The following EIF4EBP1 variants were observed in gnomAD, a reference collection of about 807,000 sequenced individuals.
EIF4EBP1 encodes the protein eukaryotic translation initiation factor 4E-binding protein 1.
A neutral mutation model predicts 9.2 loss-of-function variants in EIF4EBP1; 5 were observed. The observed-to-expected ratio is 0.54, with a 90% CI of 0.28 to 1.14. The LOEUF (loss-of-function observed/expected upper bound fraction) is 1.14. Among genes scored for constraint, EIF4EBP1 ranks in the 50% most tolerant of loss-of-function variants. EIF4EBP1 has a pLI of 0.09. For synonymous variants in EIF4EBP1, 62 were observed against 67.0 expected, an observed-to-expected ratio of 0.93 and a Z score of 0.36; for missense variants, 139 against 169.6, an observed-to-expected ratio of 0.82 and a Z score of 1.00.
intron 1 of EIF4EBP1, among the ~76,000 whole-genome samples, chr8:38,045,324 C>T (rs1387762002): frequency 6.6e-6 from 1 of 152,098 alleles, no homozygotes; most frequent in East Asian, 1.9e-4. Context: ...ACAAGGAGAT[C>T]CTAAAAATAA....
rs145526026 is a variant in EIF4EBP1 at position 38,036,944 on chromosome 8, T to C, written c.145+6226T>C. On this transcript the variant is annotated intron_variant, in intron 1 of 2. Coordinates refer to ENST00000338825, the MANE Select transcript of EIF4EBP1 (RefSeq NM_004095.4). ...GGATTAGAGGCATGCTCCACTGTGC[T>C]TGGCCTGGGAAGGCACAGCAATATT... is the stretch of plus-strand genomic sequence containing the variant. Among the ~76,000 whole-genome samples, 1,474 of 151,712 alleles carry C rather than the reference T, an allele frequency of 9.7e-3. 25 individuals carry two copies. The highest frequency in any genetic ancestry group is 0.034 in the African/African-American group (1,399 of 41,332).
At chr8:38,037,578 G>A (rs1282819359) in intron 1 of EIF4EBP1, among the ~76,000 whole-genome samples, 2 of 152,112 alleles carry the variant, frequency 1.3e-5, no homozygotes. Flanking sequence ...CTCCCAAAAT[G>A]CTGGGATTAC....
In EIF4EBP1 at chr8:38,043,346, C is replaced by CTTTTG. The variant is rs1301670595; in HGVS notation, c.145+12632_145+12633insGTTTT. On this transcript the variant is annotated intron_variant, in intron 1 of 2. Transcript: ENST00000338825. ...GAAAGTCTCTGTCAAAGCCAATTTT[C>CTTTTG]TTTTCTTTTCTTTTCTTTTTCTTTT... Among the ~76,000 whole-genome samples, 8 of 150,440 alleles carry CTTTTG rather than the reference C, an allele frequency of 5.3e-5. No homozygotes were observed. In the East Asian group the frequency reaches 1.2e-3, roughly 22 times the overall value.
chr8:38,057,274 C>G lies in EIF4EBP1; in HGVS notation c.325+14C>G. On this transcript the variant is annotated intron_variant, in intron 2 of 2. Coordinates refer to ENST00000338825, the MANE Select transcript of EIF4EBP1 (RefSeq NM_004095.4). ...AGCGGGCGGGCGGTGAGTGTCGGGG[C>G]TTGGCCAGGCTCTACCTTGGGAAAG... 1 of 1,471,260 alleles carries G rather than the reference C, an allele frequency of 6.8e-7. No homozygotes were observed. The highest frequency in any genetic ancestry group is 9.0e-7 in the Non-Finnish European group (1 of 1,106,330). 91.1% of individuals were successfully genotyped at this position (1,471,260 alleles called of 1,614,324 possible). A position where few individuals can be genotyped will look rare whatever the true frequency, so the allele number is the denominator to read the frequency against.
intron 1 of EIF4EBP1, 136 bp from the exon 2 acceptor site, chr8:38,056,945 G>T: frequency 1.2e-6 from 1 of 866,604 alleles, no homozygotes; most frequent in East Asian, 2.6e-5. Context: ...TTATGGGCAT[G>T]AGCCACCGCA....
At chr8:38,049,928 TTG>T (rs979234328) in intron 1 of EIF4EBP1, among the ~76,000 whole-genome samples, 6 of 151,976 alleles carry the variant, frequency 3.9e-5, no homozygotes, top group Non-Finnish European at 8.8e-5. Context: ...CTTTTTTTTT[TTG>T]AGATGGAATG....
intron 1 of EIF4EBP1, among the ~76,000 whole-genome samples, chr8:38,045,672 T>G (rs1328947270): frequency 1.3e-5 from 2 of 152,038 alleles, no homozygotes; most frequent in Non-Finnish European, 2.9e-5. Context: ...ACTATTGTTC[T>G]CCAGCCTGGG....
Position 38,030,814 on chromosome 8 carries a change from C to G in EIF4EBP1, c.145+96C>G. 3 of 1,355,414 alleles carry G rather than the reference C, an allele frequency of 2.2e-6. No homozygotes were observed. In the South Asian group the frequency reaches 5.2e-5, roughly 24 times the overall value. 84.0% of individuals were successfully genotyped at this position (1,355,414 alleles called of 1,614,324 possible). ...ACCGGGTGTCCAGGCTCAAGGGCGC[C>G]GTGATTGGAAAGAACGGAAAAGGGG... On this transcript the variant is annotated intron_variant, in intron 1 of 2. Coordinates refer to ENST00000338825, the MANE Select transcript of EIF4EBP1 (RefSeq NM_004095.4).
Position 38,060,133 on chromosome 8 carries a change from C to G in EIF4EBP1, c.*198C>G. 1 of 634,856 alleles carries G rather than the reference C, an allele frequency of 1.6e-6. No homozygotes were observed. 39.3% of individuals were successfully genotyped at this position (634,856 alleles called of 1,614,324 possible). On this transcript the variant is annotated 3_prime_UTR_variant, in exon 3 of 3. Transcript: ENST00000338825. ...CACCAGCAGATACCTCCTTGTGCCT[C>G]CACTGATGCAGGAGCTGCCACCCCA...
intron 1 of EIF4EBP1, among the ~76,000 whole-genome samples, chr8:38,042,941 T>C (rs1302845525): frequency 6.6e-6 from 1 of 152,082 alleles, no homozygotes; most frequent in African/African-American, 2.4e-5. Context: ...GGCAGGTGCC[T>C]ATAATCTCAG....
intron 1 of EIF4EBP1, among the ~76,000 whole-genome samples, chr8:38,033,364 G>A (rs563632775): frequency 2.0e-5 from 3 of 151,860 alleles, no homozygotes; most frequent in African/African-American, 4.8e-5. Flanking sequence ...CACCATGCCC[G>A]GCCTAGATTC....
Position 38,036,666 on chromosome 8 carries a change from C to CTTTTTTTTTT in EIF4EBP1, c.145+5950_145+5951insTTTTTTTTTT, listed in dbSNP as rs140148175. Among the ~76,000 whole-genome samples, 543 of 150,994 alleles carry CTTTTTTTTTT rather than the reference C, an allele frequency of 3.6e-3. 5 individuals are homozygous for CTTTTTTTTTT. Among genetic ancestry groups the CTTTTTTTTTT allele is most frequent in the African/African-American group, 0.013 (523 of 41,006 alleles). On this transcript the variant is annotated intron_variant, in intron 1 of 2. Coordinates refer to ENST00000338825, the MANE Select transcript of EIF4EBP1 (RefSeq NM_004095.4). ...TTAGGAAGGCACAGCAATATTGTTTCTTCTTTTTTTTTTAATTTGAAACAG... is the reference window on the plus strand; with the variant it reads ...TTAGGAAGGCACAGCAATATTGTTTCTTTTTTTTTTTTCTTTTTTTTTTAATTTGAAACAG...
At chr8:38,054,008 G>A in intron 1 of EIF4EBP1, among the ~76,000 whole-genome samples, 1 of 152,164 alleles carries the variant, frequency 6.6e-6, no homozygotes, top group East Asian at 1.9e-4. Flanking sequence ...GTTTAAGATG[G>A]TCAATGTTAT....
intron 1 of EIF4EBP1, among the ~76,000 whole-genome samples, chr8:38,036,971 A>C (rs1809311789): frequency 1.3e-5 from 2 of 152,038 alleles, no homozygotes; most frequent in African/African-American, 4.8e-5. Flanking sequence ...AGCAATATTG[A>C]AAAAAAGGAA....
chr8:38,043,311 A>G (rs1445476141), intron 1 of EIF4EBP1, among the ~76,000 whole-genome samples: 1 of 150,774 alleles, frequency 6.6e-6, no homozygotes. Flanking sequence ...TAGCTCAGCT[A>G]TTTTGTTCTG....
At chr8:38,031,856 C>G (rs936912014) in intron 1 of EIF4EBP1, among the ~76,000 whole-genome samples, 11 of 152,224 alleles carry the variant, frequency 7.2e-5, no homozygotes, top group African/African-American at 2.7e-4. Flanking sequence ...GTCTGTTGCC[C>G]ATTGTCACAC....
intron 1 of EIF4EBP1, among the ~76,000 whole-genome samples, chr8:38,034,615 GGCTTGGATGGCAGTTGT>G (rs1386624850): frequency 6.6e-6 from 1 of 152,186 alleles, no homozygotes; most frequent in Non-Finnish European, 1.5e-5. Context: ...CCTATATACA[GGCTTGGATGGCAGTTGT>G]GCCAAAGACC....
intron 1 of EIF4EBP1, among the ~76,000 whole-genome samples, chr8:38,050,054 G>T (rs145663003): frequency 4.6e-5 from 7 of 151,926 alleles, no homozygotes; most frequent in Admixed American, 4.6e-4. Context: ...TGGACTACAG[G>T]TGTGCACCAC....
chr8:38,039,427 T>C (rs1241926176), intron 1 of EIF4EBP1, among the ~76,000 whole-genome samples: 1 of 146,380 alleles, frequency 6.8e-6, no homozygotes, highest in Admixed American at 6.8e-5. Context: ...TTTTTTTGAG[T>C]TGGAGTGTTG....
Sources: gnomAD v4.1 joint callset for allele counts (sites outside exome capture counted in the v4.1 genomes callset) on GRCh38, gnomAD v4.1.1 for gene constraint, MANE v1.5 for transcripts, NCBI Gene and HGNC (gene_info 2026-07-23, HGNC 2026-07-21) for gene names.